LRRK2: variants seen among roughly 807,000 people sequenced by gnomAD.
LRRK2 encodes the protein leucine-rich repeat serine/threonine-protein kinase 2.
LRRK2 carries 203 observed loss-of-function variants against 302.6 expected under a neutral mutation model. That is an observed-to-expected ratio of 0.67 (90% CI 0.60 to 0.75). The LOEUF (loss-of-function observed/expected upper bound fraction) is 0.75. Ranked by LOEUF, LRRK2 falls within the 30% of genes least tolerant of loss-of-function variation. The pLI is 0.00. For synonymous variants in LRRK2, 1,066 were observed against 1,031.9 expected (o/e 1.03, Z -0.63); for missense variants, 2,830 against 2,951.0 (o/e 0.96, Z 0.95).
rs1399158062 is a variant in LRRK2, at chr12:40,315,434, CA to C, written c.4827+135del. The C allele has an allele frequency of 6.7e-6, 5 of 749,626 alleles. No homozygotes were observed. In the East Asian group the frequency reaches 1.3e-4, roughly 19 times the overall value. 46.4% of individuals were successfully genotyped at this position (749,626 alleles called of 1,614,324 possible). On this transcript the variant is annotated intron_variant, in intron 33 of 50. Coordinates refer to ENST00000298910, the MANE Select transcript of LRRK2 (RefSeq NM_198578.4). The stretch of plus-strand genomic sequence containing the variant: ...TTTGTGAATTTGGAAAACTGTGGAA[CA>C]TTTCACATAGAAGACTACTTGAAGA...
At chr12:40,357,513 C>T (rs1946575055) in intron 46 of LRRK2, among the ~76,000 whole-genome samples, 1 of 152,174 alleles carries the variant, frequency 6.6e-6, no homozygotes. Flanking sequence ...TTTGAGAAAT[C>T]ACCATTTTGT....
At chr12:40,284,773 G>C (rs1303874046) in intron 19 of LRRK2, among the ~76,000 whole-genome samples, 1 of 152,104 alleles carries the variant, frequency 6.6e-6, no homozygotes, top group Non-Finnish European at 1.5e-5. Context: ...CTTTCCCTGT[G>C]TTAACTTAGT....
At chr12:40,324,198 G>A (rs17466430) in intron 38 of LRRK2, among the ~76,000 whole-genome samples, 17,543 of 151,636 alleles carry the variant, frequency 0.12, 1,100 homozygotes, top group South Asian at 0.16. Context: ...CTGGCTCCTC[G>A]GTTATCATTT....
At chr12:40,303,264 G>A (rs1944693377) in intron 26 of LRRK2, among the ~76,000 whole-genome samples, 1 of 152,088 alleles carries the variant, frequency 6.6e-6, no homozygotes, top group African/African-American at 2.4e-5. Flanking sequence ...AATTTTGGGG[G>A]AAGATTAGGC....
In LRRK2 at chr12:40,260,583, T is replaced by C. The variant is rs147152821; in HGVS notation, c.1543+979T>C. On this transcript the variant is annotated intron_variant, in intron 13 of 50. Coordinates refer to ENST00000298910, the MANE Select transcript of LRRK2 (RefSeq NM_198578.4). ...CTTGAATGCAGTGCTAAAAATTTTT[T>C]GCCTTTTAAAAATGGAAGCCAACCC... Among the ~76,000 whole-genome samples, 391 of 152,154 alleles carry C rather than the reference T, an allele frequency of 2.6e-3. 13 individuals are homozygous for C. The South Asian group carries it at 0.061, about 24-fold the overall frequency.
rs749068405 is a variant in LRRK2, at chr12:40,293,615, C to T, written c.2760C>T (p.Ala920=). Residue 920 remains alanine, a synonymous_variant, in exon 21 of 51, where the codon GCC becomes GCT. Coordinates refer to ENST00000298910, the MANE Select transcript of LRRK2 (RefSeq NM_198578.4). ...GTGTAGGAGAATTTTACCGAGATGC[C>T]GTATTACAGCGTTGCTCACCAAATT... The part of the protein sequence containing the change: ...SISVGEFYRD[A]VLQRCSPNLQ... 5.6e-6 allele frequency: 9 copies of T among 1,611,262 alleles called. No individual in the cohort carries two copies. Among genetic ancestry groups the T allele is most frequent in the East Asian group, 2.2e-5 (1 of 44,716 alleles).
Position 40,238,094 on chromosome 12 carries a change from T to A in LRRK2, c.562T>A (p.Phe188Ile). ...TGGATGCAAAGCTTTACATGTGCTGTTTGAGAGAGGTATTTTAAAATGTCA... is the reference window on the plus strand; with the variant it reads ...TGGATGCAAAGCTTTACATGTGCTGATTGAGAGAGGTATTTTAAAATGTCA... ...KLGCKALHVLFERVSEEQLTE... is the reference protein window; with the variant it reads ...KLGCKALHVLIERVSEEQLTE... Residue 188 changes from phenylalanine to isoleucine, a missense_variant, in exon 5 of 51, where the codon TTT becomes ATT. Phe to Ile is a conservative substitution (Grantham distance 21). Around this residue, in one of 3 missense-constraint regions of LRRK2, gnomAD observed 2,121 missense variants for 2,148.0 expected, o/e 0.99. Transcript: ENST00000298910. The A allele has an allele frequency of 6.2e-7, 1 of 1,613,444 alleles. No homozygotes were observed. Among genetic ancestry groups the A allele is most frequent in the Non-Finnish European group, 8.5e-7 (1 of 1,179,680 alleles).
chr12:40,289,762 C>T (rs1456792875), intron 20 of LRRK2, among the ~76,000 whole-genome samples: 1 of 151,616 alleles, frequency 6.6e-6, no homozygotes, highest in Non-Finnish European at 1.5e-5. Context: ...AAACATAATT[C>T]ATTTATTTGT....
intron 41 of LRRK2, among the ~76,000 whole-genome samples, chr12:40,346,343 T>C (rs1254674052): frequency 6.6e-6 from 1 of 152,142 alleles, no homozygotes; most frequent in Non-Finnish European, 1.5e-5. Context: ...TCTACTCATC[T>C]CTCCTGTTTT....
At chr12:40,242,907 AATG>A (rs2057945701) in intron 6 of LRRK2, among the ~76,000 whole-genome samples, 1 of 147,848 alleles carries the variant, frequency 6.8e-6, no homozygotes, top group African/African-American at 2.5e-5. Context: ...TGGTTGTGAT[AATG>A]ATGAAGATTG....
In LRRK2 at chr12:40,328,412, G is replaced by A; in HGVS notation, c.5709G>A (p.Val1903=). 1 of 1,613,516 alleles carries A rather than the reference G, an allele frequency of 6.2e-7. No homozygotes were observed. The highest frequency in any genetic ancestry group is 8.5e-7 in the Non-Finnish European group (1 of 1,179,738). The stretch of plus-strand genomic sequence containing the variant: ...GAGCAGCCTATGAAGGAGAAGAAGT[G>A]GCTGTGAAGATTTTTAATAAACATA... ...VYRAAYEGEE[V]AVKIFNKHTS... Residue 1903 remains valine (V), a synonymous_variant, in exon 39 of 51, where the codon GTG becomes GTA. Transcript: ENST00000298910.
intron 48 of LRRK2, among the ~76,000 whole-genome samples, 159 bp downstream of exon 48, chr12:40,363,713 C>G (rs991573944): frequency 6.6e-6 from 1 of 151,828 alleles, no homozygotes; most frequent in Non-Finnish European, 1.5e-5. Context: ...CTTTTCAGAT[C>G]AAGAAAATTT....
chr12:40,349,954 G>A (rs1946304570), intron 43 of LRRK2, among the ~76,000 whole-genome samples: 1 of 152,210 alleles, frequency 6.6e-6, no homozygotes, highest in African/African-American at 2.4e-5. Context: ...GCAGTTCATG[G>A]CTTGAGATTT....
At chr12:40,307,029 TCTAA>T in intron 28 of LRRK2, among the ~76,000 whole-genome samples, 1 of 151,402 alleles carries the variant, frequency 6.6e-6, no homozygotes, top group Admixed American at 6.6e-5. Context: ...TACTGTATTA[TCTAA>T]CTAAATATTT....
Position 40,314,048 on chromosome 12 carries a change from G to T in LRRK2, c.4613G>T (p.Arg1538Leu), listed in dbSNP as rs200631999. The T allele has an allele frequency of 8.1e-6, 13 of 1,612,372 alleles. 1 individual carries two copies. In the African/African-American group the frequency reaches 9.4e-5, roughly 12 times the overall value. Residue 1538 changes from arginine (R) to leucine (L), a missense_variant, in exon 32 of 51, where the codon CGT becomes CTT. Around this residue, in one of 3 missense-constraint regions of LRRK2, gnomAD observed 2,121 missense variants for 2,148.0 expected, o/e 0.99. Coordinates refer to ENST00000298910, the MANE Select transcript of LRRK2 (RefSeq NM_198578.4). ...CTTGAAAAAATCATTTTATCGGAGCGTAAAAATGTGCCAATTGAATTTCCC... is the reference window on the plus strand; with the variant it reads ...CTTGAAAAAATCATTTTATCGGAGCTTAAAAATGTGCCAATTGAATTTCCC... The part of the protein sequence containing the change: ...VELEKIILSE[R>L]KNVPIEFPVI...
At chr12:40,240,426 A>T (rs950169906) in intron 5 of LRRK2, 57 bp from the exon 6 acceptor site, 2 of 1,493,062 alleles carry the variant, frequency 1.3e-6, no homozygotes, top group East Asian at 4.6e-5. Flanking sequence ...ATTTTTGAAT[A>T]ATTAAACTTT....
intron 7 of LRRK2, among the ~76,000 whole-genome samples, chr12:40,247,425 T>C (rs1044650707): frequency 2.0e-5 from 2 of 101,372 alleles, no homozygotes; most frequent in South Asian, 8.0e-4. Context: ...TTCATATATA[T>C]GAATCTACTT....
At chr12:40,292,525 TTTATAA>T (rs1286964039) in intron 20 of LRRK2, among the ~76,000 whole-genome samples, 1 of 151,746 alleles carries the variant, frequency 6.6e-6, no homozygotes, top group Non-Finnish European at 1.5e-5. Flanking sequence ...TTTAATAATC[TTTATAA>T]TTATGTAATT....
At position 40,367,879 on chromosome 12, in the gene LRRK2, G is replaced by A. The variant is rs2137061278; in HGVS notation, c.*114G>A. On this transcript the variant is annotated 3_prime_UTR_variant, in exon 51 of 51. Coordinates refer to ENST00000298910, the MANE Select transcript of LRRK2 (RefSeq NM_198578.4). ...TCACATTTTTTGAAATAGCTCGTGT[G>A]TATGAAGGAATGTTATTATTTTTAA... is the stretch of plus-strand genomic sequence containing the variant. 1.2e-6 allele frequency: 1 copy of A among 861,882 alleles called. No homozygotes were observed. Among genetic ancestry groups the A allele is most frequent in the Non-Finnish European group, 1.7e-6 (1 of 581,998 alleles). 53.4% of individuals were successfully genotyped at this position (861,882 alleles called of 1,614,324 possible).
Sources: gnomAD v4.1 joint callset for allele counts (sites outside exome capture counted in the v4.1 genomes callset) on GRCh38, gnomAD v4.1.1 for gene constraint, gnomAD v4.1.1 regional missense constraint, MANE v1.5 for transcripts, NCBI Gene and HGNC (gene_info 2026-07-23, HGNC 2026-07-21) for gene names.